The following SPATA16 variants were observed in gnomAD, a reference collection of about 807,000 sequenced individuals.
SPATA16 encodes the protein spermatogenesis-associated protein 16.
SPATA16 carries 36 observed loss-of-function variants against 63.3 expected under a neutral mutation model. The ratio of observed to expected loss-of-function variants is 0.57; its 90% CI spans 0.44 to 0.75. The LOEUF (loss-of-function observed/expected upper bound fraction) is 0.75. Among genes scored for constraint, SPATA16 ranks in the 30% least tolerant of loss-of-function variants. The pLI is 0.00. For missense variants in SPATA16, 646 were observed against 679.3 expected (o/e 0.95, Z 0.54); for synonymous variants, 203 against 216.7 (o/e 0.94, Z 0.56).
intron 2 of SPATA16, among the ~76,000 whole-genome samples, chr3:173,081,067 GT>G (rs752432440): frequency 2.3e-4 from 35 of 152,098 alleles, no homozygotes; most frequent in South Asian, 2.1e-4. Flanking sequence ...CCTGGGCATT[GT>G]TTAATAATAA....
At chr3:173,076,168 TATGTTACCC>T (rs143366818) in intron 2 of SPATA16, among the ~76,000 whole-genome samples, 3,561 of 152,248 alleles carry the variant, frequency 0.023, 56 homozygotes, top group Non-Finnish European at 0.038. Context: ...TTTCTATTTA[TATGTTACCC>T]ATGTTACTTT....
chr3:172,907,777 C>T (rs968712054), intron 10 of SPATA16, among the ~76,000 whole-genome samples: 1 of 151,976 alleles, frequency 6.6e-6, no homozygotes, highest in African/African-American at 2.4e-5. Flanking sequence ...GGGGTTTCAC[C>T]ATGTTAGCCA....
At chr3:173,027,971 TTTTC>T (rs1170036436) in intron 3 of SPATA16, among the ~76,000 whole-genome samples, 1 of 99,460 alleles carries the variant, frequency 1.0e-5, no homozygotes, top group Admixed American at 1.2e-4. Context: ...CAAATTTATT[TTTTC>T]TCCCTCCCTC....
intron 1 of SPATA16, among the ~76,000 whole-genome samples, chr3:173,120,101 AG>A (rs1306277329): frequency 2.7e-4 from 40 of 150,796 alleles, no homozygotes; most frequent in African/African-American, 9.8e-4. Flanking sequence ...AAAAAAAAAA[AG>A]AGAGAGAAAA....
At chr3:173,086,247 G>A (rs1737049379) in intron 2 of SPATA16, among the ~76,000 whole-genome samples, 1 of 152,008 alleles carries the variant, frequency 6.6e-6, no homozygotes, top group African/African-American at 2.4e-5. Flanking sequence ...ACTTGTTCGT[G>A]GTACAACCTT....
chr3:173,134,134 G>A (rs1198921098), intron 1 of SPATA16, among the ~76,000 whole-genome samples: 1 of 152,152 alleles, frequency 6.6e-6, no homozygotes, highest in Non-Finnish European at 1.5e-5. Flanking sequence ...TACACCACCT[G>A]AAAAGAATAA....
At chr3:173,120,087 CA>C (rs530094750) in intron 1 of SPATA16, among the ~76,000 whole-genome samples, 362 of 122,574 alleles carry the variant, frequency 3.0e-3, no homozygotes, top group Non-Finnish European at 3.5e-3. Context: ...AACTCCATCT[CA>C]AAAAAAAAAA....
At chr3:173,133,713 A>G (rs1314008091) in intron 1 of SPATA16, among the ~76,000 whole-genome samples, 1 of 152,230 alleles carries the variant, frequency 6.6e-6, no homozygotes, top group Non-Finnish European at 1.5e-5. Context: ...AGAAATTGAC[A>G]AATCTCCAAT....
chr3:172,988,598 T>C (rs1225705812), intron 4 of SPATA16, among the ~76,000 whole-genome samples: 1 of 152,180 alleles, frequency 6.6e-6, no homozygotes, highest in African/African-American at 2.4e-5. Context: ...ACCTTAAAGG[T>C]TGATGGAACA....
chr3:172,975,905 T>C (rs1378735130), intron 5 of SPATA16, among the ~76,000 whole-genome samples: 1 of 151,784 alleles, frequency 6.6e-6, no homozygotes, highest in Non-Finnish European at 1.5e-5. Context: ...GTCCAAGACA[T>C]GGTAGTGAAA....
chr3:173,100,709 G>C (rs372651042), intron 2 of SPATA16, among the ~76,000 whole-genome samples: 3 of 125,646 alleles, frequency 2.4e-5, no homozygotes, highest in Non-Finnish European at 5.2e-5. Flanking sequence ...CACACACACA[G>C]AGTAAATTCT....
At chr3:173,007,930 A>C (rs1378017812) in intron 4 of SPATA16, among the ~76,000 whole-genome samples, 1 of 152,186 alleles carries the variant, frequency 6.6e-6, no homozygotes, top group African/African-American at 2.4e-5. Flanking sequence ...TGCTAAAAAC[A>C]TATTTTAAGA....
intron 2 of SPATA16, among the ~76,000 whole-genome samples, chr3:173,115,217 A>G (rs1252447586): frequency 2.0e-5 from 3 of 152,196 alleles, no homozygotes; most frequent in Non-Finnish European, 4.4e-5. Context: ...AAAACTGGGT[A>G]TTTTGTTTCA....
At chr3:173,122,061 A>G (rs1017093532) in intron 1 of SPATA16, among the ~76,000 whole-genome samples, 1 of 152,230 alleles carries the variant, frequency 6.6e-6, no homozygotes, top group African/African-American at 2.4e-5. Context: ...GTAACATTCT[A>G]TAAAAATGCT....
intron 1 of SPATA16, among the ~76,000 whole-genome samples, chr3:173,134,326 T>C (rs911457692): frequency 4.6e-5 from 7 of 151,914 alleles, no homozygotes; most frequent in Non-Finnish European, 1.5e-5. Context: ...GTTTGAGTCA[T>C]GAATAGATTA....
chr3:173,124,700 C>T (rs949363399), intron 1 of SPATA16, among the ~76,000 whole-genome samples: 1 of 152,204 alleles, frequency 6.6e-6, no homozygotes, highest in African/African-American at 2.4e-5. Flanking sequence ...TAACAGCAGT[C>T]TTCACAGCTG....
At chr3:172,923,960 GAA>G (rs1274005427) in intron 8 of SPATA16, among the ~76,000 whole-genome samples, 2 of 152,188 alleles carry the variant, frequency 1.3e-5, no homozygotes. Context: ...AAGGCATAAA[GAA>G]AAGGTTCTTT....
intron 3 of SPATA16, among the ~76,000 whole-genome samples, chr3:173,034,366 A>T (rs905610678): frequency 6.6e-6 from 1 of 152,100 alleles, no homozygotes; most frequent in Non-Finnish European, 1.5e-5. Flanking sequence ...GAGTCTGAAA[A>T]TTAGAGGGAT....
chr3:172,955,542 C>T (rs931194625), intron 6 of SPATA16, among the ~76,000 whole-genome samples: 3 of 152,072 alleles, frequency 2.0e-5, no homozygotes, highest in Non-Finnish European at 4.4e-5. Flanking sequence ...TTATGCTTCT[C>T]CTCTTCCCTT....
Sources: gnomAD v4.1 joint callset for allele counts (sites outside exome capture counted in the v4.1 genomes callset) on GRCh38, gnomAD v4.1.1 for gene constraint, MANE v1.5 for transcripts, NCBI Gene and HGNC (gene_info 2026-07-23, HGNC 2026-07-21) for gene names.